Variants in RALGAPA2 observed in about 807,000 individuals in gnomAD.
RALGAPA2 encodes the protein ral GTPase-activating protein subunit alpha-2.
A neutral mutation model predicts 230.4 loss-of-function variants in RALGAPA2; 139 were observed. The ratio of observed to expected loss-of-function variants is 0.60; its 90% confidence interval spans 0.53 to 0.69. The LOEUF (loss-of-function observed/expected upper bound fraction) is 0.69, where lower values mean the gene tolerates loss of function less well. Among genes scored for constraint, RALGAPA2 ranks in the 30% least tolerant of loss-of-function variants. RALGAPA2 has a pLI of 0.00. For synonymous variants in RALGAPA2, 847 were observed against 837.8 expected (o/e 1.01, Z -0.19); for missense variants, 2,163 against 2,276.0 (o/e 0.95, Z 1.01).
chr20:20,569,407 G>A (rs1437978179), intron 23 of RALGAPA2, among the ~76,000 whole-genome samples: 1 of 152,110 alleles, frequency 6.6e-6, no homozygotes, highest in Non-Finnish European at 1.5e-5. Context: ...ATAATAGGCT[G>A]ATTTTAAATA....
At chr20:20,595,662 T>A (rs2065429709) in intron 16 of RALGAPA2, among the ~76,000 whole-genome samples, 1 of 152,150 alleles carries the variant, frequency 6.6e-6, no homozygotes, top group African/African-American at 2.4e-5. Flanking sequence ...GCAGTTAAAA[T>A]TGTAGAACAG....
intron 26 of RALGAPA2, among the ~76,000 whole-genome samples, chr20:20,532,614 G>A (rs1434273564): frequency 6.6e-6 from 1 of 152,168 alleles, no homozygotes; most frequent in Non-Finnish European, 1.5e-5. Flanking sequence ...CATTCAAGTT[G>A]AGATGTCAAG....
In RALGAPA2 at chr20:20,437,453, C is replaced by T. The variant is rs1001095379; in HGVS notation, c.5496-25305G>A. On this transcript the variant is annotated intron_variant, in intron 37 of 39. Transcript: ENST00000202677. This position sits in a 1 kb window ranked among gnomAD's most constrained non-coding sequence, Gnocchi z 4.1. The stretch of plus-strand genomic sequence containing the variant: ...AGCAGGAGGCTTTCAGGGATGGTGC[C>T]GTCCTCCGTTCAGCCTTCAGATGGC... Among the ~76,000 whole-genome samples, 40 of 152,206 alleles carry T rather than the reference C, an allele frequency of 2.6e-4. No homozygotes were observed. Among genetic ancestry groups the T allele is most frequent in the African/African-American group, 9.4e-4 (39 of 41,452 alleles).
chr20:20,566,694 T>C (rs1416515098), intron 23 of RALGAPA2, among the ~76,000 whole-genome samples: 2 of 152,212 alleles, frequency 1.3e-5, no homozygotes, highest in South Asian at 2.1e-4. Context: ...GCACTATTAT[T>C]ATCCTCATTC....
intron 37 of RALGAPA2, among the ~76,000 whole-genome samples, chr20:20,441,387 T>C (rs2060735834): frequency 6.6e-6 from 1 of 152,044 alleles, no homozygotes; most frequent in Admixed American, 6.6e-5. Context: ...ATGAGGTGAG[T>C]GTGGGTGGAC....
At chr20:20,674,636 T>C (rs1320870172) in intron 3 of RALGAPA2, among the ~76,000 whole-genome samples, 3 of 152,210 alleles carry the variant, frequency 2.0e-5, no homozygotes, top group Non-Finnish European at 2.9e-5. Flanking sequence ...ACAAGTCACA[T>C]ATATTTACTT....
At chr20:20,546,064 C>A (rs2063766855) in intron 24 of RALGAPA2, among the ~76,000 whole-genome samples, 1 of 152,092 alleles carries the variant, frequency 6.6e-6, no homozygotes, top group Non-Finnish European at 1.5e-5. Flanking sequence ...ATGAATGGGA[C>A]CCTATCTCTT....
chr20:20,417,051 A>C (rs1423423553), intron 37 of RALGAPA2, among the ~76,000 whole-genome samples: 1 of 152,216 alleles, frequency 6.6e-6, no homozygotes, highest in African/African-American at 2.4e-5. Context: ...CTCCCATGGC[A>C]GTGATCTGCA....
At chr20:20,605,472 T>G in intron 14 of RALGAPA2, 60 bp from the exon 15 acceptor site, 1 of 1,265,310 alleles carries the variant, frequency 7.9e-7, no homozygotes, top group Non-Finnish European at 1.1e-6. Context: ...AGCATACTTT[T>G]AAACAAAATG....
intron 15 of RALGAPA2, among the ~76,000 whole-genome samples, chr20:20,603,149 A>C (rs916981879): frequency 6.6e-6 from 1 of 152,192 alleles, no homozygotes; most frequent in Non-Finnish European, 1.5e-5. Context: ...TTTCTTTAGA[A>C]AGGAGTTGTG....
intron 20 of RALGAPA2, among the ~76,000 whole-genome samples, chr20:20,579,531 T>C (rs1379511370): frequency 1.3e-5 from 2 of 152,218 alleles, no homozygotes; most frequent in African/African-American, 4.8e-5. Context: ...CTTTTTCCCT[T>C]TGTGGTTCTG....
At chr20:20,606,733 C>T (rs1025242924) in intron 14 of RALGAPA2, among the ~76,000 whole-genome samples, 1 of 152,194 alleles carries the variant, frequency 6.6e-6, no homozygotes, top group Non-Finnish European at 1.5e-5. Context: ...AGTCTATTCA[C>T]TTATCAGTGT....
chr20:20,618,814 T>C (rs191649058), intron 12 of RALGAPA2, among the ~76,000 whole-genome samples: 10 of 152,330 alleles, frequency 6.6e-5, no homozygotes, highest in Non-Finnish European at 1.0e-4. Context: ...ATGGAGTCAG[T>C]TCTATTTCAT....
intron 16 of RALGAPA2, among the ~76,000 whole-genome samples, chr20:20,595,840 C>G (rs142123654): frequency 6.6e-6 from 1 of 151,804 alleles, no homozygotes; most frequent in Non-Finnish European, 1.5e-5. Flanking sequence ...CCTGGCTACT[C>G]GGGAGGCTGA....
chr20:20,466,356 C>A (rs1311323112), intron 37 of RALGAPA2, among the ~76,000 whole-genome samples: 2 of 152,204 alleles, frequency 1.3e-5, no homozygotes, highest in Admixed American at 6.5e-5. Flanking sequence ...CATCTGTGGG[C>A]TGGATTTGGT....
chr20:20,522,470 T>C (rs1406268249), intron 30 of RALGAPA2, among the ~76,000 whole-genome samples: 2 of 152,234 alleles, frequency 1.3e-5, no homozygotes, highest in Non-Finnish European at 2.9e-5. Flanking sequence ...GAGGATATAC[T>C]GTATGACTCT....
intron 2 of RALGAPA2, among the ~76,000 whole-genome samples, chr20:20,677,416 C>T (rs1181006671): frequency 2.0e-5 from 3 of 152,002 alleles, no homozygotes; most frequent in African/African-American, 7.2e-5. Context: ...CTGAACAATG[C>T]AAAGTCCGTG....
chr20:20,684,459 C>A (rs1268469776), intron 1 of RALGAPA2, among the ~76,000 whole-genome samples: 1 of 152,176 alleles, frequency 6.6e-6, no homozygotes, highest in Non-Finnish European at 1.5e-5. Context: ...ACTGAGATGT[C>A]CTCATGAGGC....
intron 36 of RALGAPA2, among the ~76,000 whole-genome samples, chr20:20,475,663 T>C (rs1455632835): frequency 1.3e-5 from 2 of 152,128 alleles, no homozygotes; most frequent in African/African-American, 2.4e-5. Flanking sequence ...AAGTATTTTC[T>C]AAAAGAGATC....
Sources: allele counts gnomAD v4.1 joint callset (sites outside exome capture counted in the v4.1 genomes callset), GRCh38; gene constraint gnomAD v4.1.1; non-coding constraint Gnocchi (gnomAD v3.1); transcripts MANE v1.5; gene names NCBI Gene and HGNC (gene_info 2026-07-23, HGNC 2026-07-21).